Variants in FGD5 observed in about 807,000 individuals in gnomAD.
The protein encoded by FGD5 is FYVE, RhoGEF and PH domain containing 5, also known as FYVE, RhoGEF and PH domain-containing protein 5.
In FGD5, 28 loss-of-function variants were observed where a neutral mutation model predicts 133.4. The ratio of observed to expected loss-of-function variants is 0.21; its 90% CI spans 0.16 to 0.29. The LOEUF is 0.29. Ranked by LOEUF, FGD5 falls within the 10% of genes least tolerant of loss-of-function variation. The pLI, the probability that FGD5 is intolerant of heterozygous loss-of-function variation, is 1.00. For missense variants in FGD5, 1,858 were observed against 1,895.2 expected, an observed-to-expected ratio of 0.98 and a Z score of 0.36; for synonymous variants, 810 against 776.5, an observed-to-expected ratio of 1.04 and a Z score of -0.72.
chr3:14,814,701 CCTGCTTGACATCTCCAG>C (rs1159271402), upstream of FGD5, among the ~76,000 whole-genome samples: 3 of 152,136 alleles, frequency 2.0e-5, no homozygotes, highest in South Asian at 4.1e-4. Flanking sequence ...GAAGCCAGAG[CCTGCTTGACATCTCCAG>C]CTGCTTGACA....
chr3:14,826,911 A>G (rs2036610811), intron 1 of FGD5, among the ~76,000 whole-genome samples: 1 of 152,170 alleles, frequency 6.6e-6, no homozygotes, highest in Non-Finnish European at 1.5e-5. Context: ...CTGACTTCCC[A>G]TGAGATGGGT....
upstream of FGD5, among the ~76,000 whole-genome samples, chr3:14,814,633 A>G (rs1489383753): frequency 6.6e-6 from 1 of 152,078 alleles, no homozygotes; most frequent in Non-Finnish European, 1.5e-5. Flanking sequence ...TGATCTCAAC[A>G]GGCTCCTGCC....
intron 4 of FGD5, among the ~76,000 whole-genome samples, chr3:14,884,448 T>G (rs1347250716): frequency 1.3e-5 from 2 of 152,216 alleles, no homozygotes; most frequent in African/African-American, 2.4e-5. Context: ...TCAGCCACAC[T>G]GGCCTTCTTT....
chr3:14,893,078 A>G (rs1352235701), intron 4 of FGD5, among the ~76,000 whole-genome samples: 2 of 152,222 alleles, frequency 1.3e-5, no homozygotes, highest in African/African-American at 4.8e-5. Context: ...CCGTGTATTT[A>G]CAGCTGTAGA....
intron 4 of FGD5, among the ~76,000 whole-genome samples, chr3:14,887,489 G>A (rs996211313): frequency 4.6e-5 from 7 of 151,780 alleles, no homozygotes; most frequent in African/African-American, 1.5e-4. Context: ...TACCTTGATC[G>A]TACCTGTAAA....
At chr3:14,864,296 G>C in intron 2 of FGD5, 36 bp downstream of exon 2, 1 of 1,613,330 alleles carries the variant, frequency 6.2e-7, no homozygotes, top group Non-Finnish European at 8.5e-7. Flanking sequence ...GGGCATCGGA[G>C]ACGTGAGGGT....
chr3:14,842,956 G>A (rs185186407), intron 1 of FGD5, among the ~76,000 whole-genome samples: 1,662 of 151,714 alleles, frequency 0.011, 30 homozygotes, highest in African/African-American at 0.037. Flanking sequence ...TGAGACCTCT[G>A]AGCTGGGCCT....
In FGD5 at chr3:14,926,183, C is replaced by A; in HGVS notation, c.4182C>A (p.Thr1394=). The change falls in exon 18 of 20, where the codon ACC becomes ACA. Residue 1394 remains threonine (T), a synonymous_variant. Coordinates refer to ENST00000285046, the MANE Select transcript of FGD5 (RefSeq NM_152536.4). The part of the protein sequence containing the change: ...WFVIKGKVLY[T]YMASEDKVAL... ...TCATCAAAGGCAAAGTTCTCTACAC[C>A]TACATGGCCAGTGAGGTAGTAGTGA... is the stretch of plus-strand genomic sequence containing the variant. 1.2e-6 allele frequency: 2 copies of A among 1,613,596 alleles called. No individual in the cohort carries two copies. Among genetic ancestry groups the A allele is most frequent in the Admixed American group, 3.3e-5 (2 of 60,012 alleles).
At chr3:14,884,387 CT>C (rs1429796301) in intron 4 of FGD5, among the ~76,000 whole-genome samples, 4 of 152,226 alleles carry the variant, frequency 2.6e-5, no homozygotes, top group Admixed American at 2.0e-4. Context: ...GACCTGGCCC[CT>C]GTCCACCTCT....
intron 1 of FGD5, among the ~76,000 whole-genome samples, chr3:14,832,973 C>T (rs2036745506): frequency 6.6e-6 from 1 of 151,898 alleles, no homozygotes; most frequent in Admixed American, 6.6e-5. Flanking sequence ...CGGGATTGGC[C>T]CTTGGAGAAT....
intron 7 of FGD5, among the ~76,000 whole-genome samples, chr3:14,900,130 G>C (rs2038209529): frequency 6.6e-6 from 1 of 152,174 alleles, no homozygotes; most frequent in Non-Finnish European, 1.5e-5. Flanking sequence ...GATTCACCTT[G>C]TTGTGTCTGT....
At chr3:14,883,688 C>T (rs1336331811) in intron 4 of FGD5, among the ~76,000 whole-genome samples, 1 of 152,226 alleles carries the variant, frequency 6.6e-6, no homozygotes, top group Non-Finnish European at 1.5e-5. Flanking sequence ...AGGCTCTGAA[C>T]CTGCCCTTGA....
At chr3:14,891,300 C>A (rs1218886462) in intron 4 of FGD5, among the ~76,000 whole-genome samples, 1 of 152,204 alleles carries the variant, frequency 6.6e-6, no homozygotes, top group Non-Finnish European at 1.5e-5. Flanking sequence ...GAATTACCCA[C>A]CACCTCCATC....
intron 2 of FGD5, among the ~76,000 whole-genome samples, chr3:14,871,613 G>C (rs1575221662): frequency 6.6e-6 from 1 of 152,190 alleles, no homozygotes; most frequent in African/African-American, 2.4e-5. Context: ...ACACAACTCA[G>C]AGGGGACGGG....
intron 1 of FGD5, among the ~76,000 whole-genome samples, chr3:14,862,444 C>T (rs2037417339): frequency 6.6e-6 from 1 of 152,172 alleles, no homozygotes; most frequent in African/African-American, 2.4e-5. Context: ...GACCTTTAGG[C>T]TGGGGACCAC....
At chr3:14,923,269 A>G in intron 16 of FGD5, 94 bp downstream of exon 16, 1 of 1,479,256 alleles carries the variant, frequency 6.8e-7, no homozygotes. Context: ...CATGCCTGAA[A>G]CCGCTTTCCC....
chr3:14,916,593 A>T (rs116311433), intron 11 of FGD5, among the ~76,000 whole-genome samples: 1 of 152,302 alleles, frequency 6.6e-6, no homozygotes, highest in African/African-American at 2.4e-5. Flanking sequence ...AACCTTAAGC[A>T]TATGTGTTAG....
intron 1 of FGD5, among the ~76,000 whole-genome samples, chr3:14,860,254 C>T (rs1294689831): frequency 6.6e-6 from 1 of 152,206 alleles, no homozygotes; most frequent in Non-Finnish European, 1.5e-5. Context: ...CCCAATGGCC[C>T]CATCAATGAG....
chr3:14,850,110 C>T (rs572860451), intron 1 of FGD5, among the ~76,000 whole-genome samples: 51 of 152,348 alleles, frequency 3.3e-4, no homozygotes, highest in Non-Finnish European at 5.6e-4. Context: ...AGTGACTCCC[C>T]GGCCCTTCCT....
Sources: allele counts gnomAD v4.1 joint callset (sites outside exome capture counted in the v4.1 genomes callset), GRCh38; gene constraint gnomAD v4.1.1; transcripts MANE v1.5; gene names NCBI Gene and HGNC (gene_info 2026-07-23, HGNC 2026-07-21).